Variants in TMEM178B observed in about 807,000 individuals in gnomAD.
TMEM178B encodes transmembrane protein 178B.
A neutral mutation model predicts 31.0 loss-of-function variants in TMEM178B; 5 were observed. The ratio of observed to expected loss-of-function variants is 0.16; its 90% confidence interval spans 0.08 to 0.34. The LOEUF (loss-of-function observed/expected upper bound fraction) is 0.34. Ranked by LOEUF, TMEM178B falls within the 10% of genes least tolerant of loss-of-function variation. The pLI, the probability that TMEM178B is intolerant of heterozygous loss-of-function variation, is 1.00. For missense variants in TMEM178B, 275 were observed against 400.3 expected (o/e 0.69, Z 2.67); for synonymous variants, 164 against 164.0 (o/e 1.00, Z 0.00).
intron 2 of TMEM178B, among the ~76,000 whole-genome samples, chr7:141,314,743 C>T (rs1269538085): frequency 6.6e-6 from 1 of 152,184 alleles, no homozygotes; most frequent in Non-Finnish European, 1.5e-5. Flanking sequence ...ATCAATGGCT[C>T]TTGTGTCTCT....
intron 2 of TMEM178B, among the ~76,000 whole-genome samples, chr7:141,413,727 C>T (rs941550212): frequency 1.3e-5 from 2 of 152,234 alleles, no homozygotes; most frequent in Admixed American, 6.5e-5. Context: ...GCTGTTTGAA[C>T]TTCCTTTATC....
At chr7:141,487,517 A>T in the TMEM178B span, among the ~76,000 whole-genome samples, 1 of 151,972 alleles carries the variant, frequency 6.6e-6, no homozygotes, top group East Asian at 1.9e-4. Context: ...AGGCAGGCAG[A>T]TCACTTGAGG....
At chr7:141,425,743 A>G (rs2116659654) in intron 2 of TMEM178B, among the ~76,000 whole-genome samples, 1 of 152,190 alleles carries the variant, frequency 6.6e-6, no homozygotes, top group South Asian at 2.1e-4. Context: ...CAAATTTTGC[A>G]ATTTTTCTTT....
intron 1 of TMEM178B, among the ~76,000 whole-genome samples, chr7:141,141,447 A>G (rs922650100): frequency 4.6e-5 from 7 of 152,198 alleles, no homozygotes; most frequent in Non-Finnish European, 1.0e-4. Context: ...AGGTATGCCC[A>G]TGGCTACTGG....
chr7:141,133,447 A>G (rs1270627977), intron 1 of TMEM178B, among the ~76,000 whole-genome samples: 1 of 152,156 alleles, frequency 6.6e-6, no homozygotes, highest in African/African-American at 2.4e-5. Context: ...ATGAGATAAA[A>G]AATACAATTG....
chr7:141,193,233 G>T (rs192971969), intron 1 of TMEM178B, among the ~76,000 whole-genome samples: 55 of 152,290 alleles, frequency 3.6e-4, no homozygotes, highest in African/African-American at 1.3e-3. Flanking sequence ...GGCCAGGCTC[G>T]TGCAGCACCA....
At chr7:141,481,366 C>T (rs1344492095), downstream of TMEM178B, among the ~76,000 whole-genome samples, 1 of 151,930 alleles carries the variant, frequency 6.6e-6, no homozygotes, top group Non-Finnish European at 1.5e-5. Flanking sequence ...CTGGGCAGCC[C>T]GAAAGAAGAA....
At chr7:141,273,299 A>G (rs1798214929) in intron 2 of TMEM178B, among the ~76,000 whole-genome samples, 2 of 152,242 alleles carry the variant, frequency 1.3e-5, no homozygotes, top group South Asian at 2.1e-4. Context: ...GGGAGCTCAT[A>G]TACAGCATAA....
At chr7:141,083,485 G>A (rs1251780852) in intron 1 of TMEM178B, among the ~76,000 whole-genome samples, 9 of 129,622 alleles carry the variant, frequency 6.9e-5, no homozygotes, top group Non-Finnish European at 1.5e-4. Context: ...GAAAGAGGAA[G>A]GGAGGGAGAG....
At chr7:141,283,322 C>T (rs1798395133) in intron 2 of TMEM178B, among the ~76,000 whole-genome samples, 1 of 152,210 alleles carries the variant, frequency 6.6e-6, no homozygotes, top group Non-Finnish European at 1.5e-5. Context: ...TGTGCTTTAG[C>T]CCAAGCTGAG....
chr7:141,504,564 C>T, the TMEM178B span, among the ~76,000 whole-genome samples: 1 of 152,316 alleles, frequency 6.6e-6, no homozygotes, highest in African/African-American at 2.4e-5. Flanking sequence ...AAGCTGAATG[C>T]TCCTCAAAAT....
chr7:141,424,669 C>CA lies in TMEM178B; in HGVS notation c.497-12933dup, dbSNP rs1327499760. 2.0e-5 allele frequency among the ~76,000 whole-genome samples: 3 copies of CA among 152,078 alleles called. No homozygotes were observed. The East Asian group carries it at 5.8e-4, about 29-fold the overall frequency. ...AAACAAAACCCAAAATATCACAACC[C>CA]AAAAAAGCCTCCCTGTTAACATTTG... On this transcript the variant is annotated intron_variant, in intron 2 of 3. Coordinates refer to ENST00000565468, the MANE Select transcript of TMEM178B (RefSeq NM_001195278.2).
At chr7:141,501,995 A>G in the TMEM178B span, among the ~76,000 whole-genome samples, 1 of 152,088 alleles carries the variant, frequency 6.6e-6, no homozygotes, top group Non-Finnish European at 1.5e-5. Context: ...CTCACCTTGT[A>G]CCTTCAAAGC....
chr7:141,084,577 AGAAAAGCG>A (rs1794746852), intron 1 of TMEM178B, among the ~76,000 whole-genome samples: 2 of 152,286 alleles, frequency 1.3e-5, no homozygotes, highest in African/African-American at 4.8e-5. Context: ...CATGTTTTGC[AGAAAAGCG>A]GACATGTGAT....
In TMEM178B at chr7:141,095,578, C is replaced by G. The variant is rs570999705; in HGVS notation, c.382+20886C>G. Among the ~76,000 whole-genome samples the G allele has an allele frequency of 5.3e-5, 8 of 152,290 alleles. No homozygotes were observed. The South Asian group carries it at 1.4e-3, about 28-fold the overall frequency. On this transcript the variant is annotated intron_variant, in intron 1 of 3. Transcript: ENST00000565468. ...ACATAGGCTTATTGAATAGATTGCT[C>G]TCCTCCATAATCTTTGGTCGCCCAT...
chr7:141,105,147 G>A (rs1385196454), intron 1 of TMEM178B, among the ~76,000 whole-genome samples: 1 of 152,174 alleles, frequency 6.6e-6, no homozygotes, highest in Non-Finnish European at 1.5e-5. Flanking sequence ...GTGGGAAAAA[G>A]GAAGGGCCAG....
At chr7:141,143,762 G>A (rs1045084495) in intron 1 of TMEM178B, among the ~76,000 whole-genome samples, 4 of 152,014 alleles carry the variant, frequency 2.6e-5, no homozygotes, top group African/African-American at 9.7e-5. Flanking sequence ...AAATGACTTT[G>A]GTATCTTGAT....
At chr7:141,358,427 T>C (rs1799860254) in intron 2 of TMEM178B, among the ~76,000 whole-genome samples, 1 of 152,152 alleles carries the variant, frequency 6.6e-6, no homozygotes, top group Admixed American at 6.5e-5. Flanking sequence ...CTCAACATCA[T>C]TTATAAAGAT....
At chr7:141,244,246 A>G (rs1245833282) in intron 2 of TMEM178B, among the ~76,000 whole-genome samples, 2 of 152,214 alleles carry the variant, frequency 1.3e-5, no homozygotes, top group East Asian at 1.9e-4. Context: ...AACATAACTG[A>G]CGGTGTAAAA....
Sources: allele counts gnomAD v4.1 joint callset (sites outside exome capture counted in the v4.1 genomes callset), GRCh38; gene constraint gnomAD v4.1.1; transcripts MANE v1.5; gene names NCBI Gene and HGNC (gene_info 2026-07-23, HGNC 2026-07-21).